The following LILRA2 variants were observed in gnomAD, a reference collection of about 807,000 sequenced individuals.
LILRA2 encodes the protein leukocyte immunoglobulin-like receptor subfamily A member 2.
A neutral mutation model predicts 47.9 loss-of-function variants in LILRA2; 45 were observed. The observed-to-expected ratio is 0.94, with a 90% confidence interval of 0.74 to 1.20. LILRA2 has a LOEUF of 1.20. Ranked by LOEUF, LILRA2 falls within the 50% of genes most tolerant of loss-of-function variation. The pLI is 0.00. For synonymous variants in LILRA2, 279 were observed against 249.2 expected, an observed-to-expected ratio of 1.12 and a Z score of -1.13; for missense variants, 651 against 598.2, an observed-to-expected ratio of 1.09 and a Z score of -0.92.
intron 6 of LILRA2, among the ~76,000 whole-genome samples, chr19:54,578,432 A>G (rs961046026): frequency 1.3e-5 from 2 of 152,118 alleles, no homozygotes; most frequent in Non-Finnish European, 1.5e-5. Flanking sequence ...AGGTTCATCA[A>G]TGTCCCTGCA....
chr19:54,588,688 T>G lies in LILRA2; in HGVS notation c.*1342T>G, dbSNP rs1376636515. 1 of 151,778 alleles carries G rather than the reference T, an allele frequency of 6.6e-6. No homozygotes were observed. Among genetic ancestry groups the G allele is most frequent in the Non-Finnish European group, 1.5e-5 (1 of 67,938 alleles). The allele number at this position is 151,778 out of a possible 1,614,324, so 9.4% of individuals were successfully genotyped here. A position where few individuals can be genotyped will look rare whatever the true frequency, so the allele number is the denominator to read the frequency against. Reference sequence around the variant, plus strand: ...TTCGATGAAAGAATTTTTTTTGAGATGGAGTTTTGCTTTGTTGCCCAGGCT... The same window carrying G: ...TTCGATGAAAGAATTTTTTTTGAGAGGGAGTTTTGCTTTGTTGCCCAGGCT... On this transcript the variant is annotated 3_prime_UTR_variant, in exon 8 of 8. Coordinates refer to ENST00000391738, the MANE Select transcript of LILRA2 (RefSeq NM_001130917.3).
chr19:54,587,272 C>T lies in LILRA2; in HGVS notation c.1378C>T (p.Leu460=), dbSNP rs750589807. 1.2e-6 allele frequency: 2 copies of T among 1,614,110 alleles called. No individual in the cohort carries two copies. The highest frequency in any genetic ancestry group is 1.1e-5 in the South Asian group (1 of 91,074). ...CCGCATGGGTGTGGCTGGCTTGGTCCTGGTGGTCCTCGGGATTCTGCTATT... is the reference window on the plus strand; with the variant it reads ...CCGCATGGGTGTGGCTGGCTTGGTCTTGGTGGTCCTCGGGATTCTGCTATT... The part of the protein sequence containing the change: ...LIRMGVAGLV[L]VVLGILLFEA... Residue 460 remains leucine (L), a synonymous_variant, in exon 8 of 8, where the codon CTG becomes TTG. Transcript: ENST00000391738.
At chr19:54,576,250 A>C in intron 6 of LILRA2, 141 bp downstream of exon 6, 1 of 1,037,010 alleles carries the variant, frequency 9.6e-7, no homozygotes, top group South Asian at 1.6e-5. Context: ...GGAGAGTGGA[A>C]ATAGGCAGGG....
Position 54,587,278 on chromosome 19 carries a change from G to C in LILRA2, c.1384G>C (p.Val462Leu), listed in dbSNP as rs1385853064. 2 of 1,614,128 alleles carry C rather than the reference G, an allele frequency of 1.2e-6. No individual in the cohort carries two copies. Among genetic ancestry groups the C allele is most frequent in the Admixed American group, 3.3e-5 (2 of 60,016 alleles). ...RMGVAGLVLV[V>L]LGILLFEAQH... ...GGGTGTGGCTGGCTTGGTCCTGGTG[G>C]TCCTCGGGATTCTGCTATTTGAGGC... Residue 462 changes from valine to leucine, a missense_variant, in exon 8 of 8, where the codon GTC becomes CTC. Val to Leu is a conservative substitution (Grantham distance 32). Coordinates refer to ENST00000391738, the MANE Select transcript of LILRA2 (RefSeq NM_001130917.3).
intron 6 of LILRA2, among the ~76,000 whole-genome samples, chr19:54,584,559 C>T (rs889922109): frequency 4.6e-5 from 7 of 152,082 alleles, no homozygotes; most frequent in Admixed American, 1.3e-4. Flanking sequence ...TCCACTTGAT[C>T]GAATCAGCTA....
intron 6 of LILRA2, among the ~76,000 whole-genome samples, chr19:54,585,764 C>T (rs776119121): frequency 8.5e-5 from 13 of 152,160 alleles, no homozygotes; most frequent in Non-Finnish European, 1.3e-4. Context: ...GAGGCGACAC[C>T]CCATCCTGCT....
chr19:54,579,063 T>C (rs921026818), intron 6 of LILRA2, among the ~76,000 whole-genome samples: 6 of 152,180 alleles, frequency 3.9e-5, no homozygotes, highest in Admixed American at 2.0e-4. Flanking sequence ...TTCTGTAGGC[T>C]GCCTGTTCAC....
rs780162689 is a variant in LILRA2 at position 54,575,471 on chromosome 19, G to A, written c.871G>A (p.Gly291Ser). ...GGGCCCTGTGAGCCCCTCCCACGGG[G>A]GCCAGTACAGATGCTACAGTGCACA... The part of the protein sequence containing the change: ...TLGPVSPSHG[G>S]QYRCYSAHNL... The change falls in exon 5 of 8, where the codon GGC becomes AGC. Residue 291 changes from glycine (G) to serine (S), a missense_variant. Gly to Ser is a moderately conservative substitution (Grantham distance 56). Transcript: ENST00000391738. 1 of 1,613,566 alleles carries A rather than the reference G, an allele frequency of 6.2e-7. No individual in the cohort carries two copies. Among genetic ancestry groups the A allele is most frequent in the East Asian group, 2.2e-5 (1 of 44,880 alleles).
At position 54,575,527 on chromosome 19, in the gene LILRA2, T is replaced by G; in HGVS notation, c.927T>G (p.Ser309Arg). 6.2e-7 allele frequency: 1 copy of G among 1,610,992 alleles called. No individual in the cohort carries two copies. The highest frequency in any genetic ancestry group is 8.5e-7 in the Non-Finnish European group (1 of 1,179,244). ...HNLSSEWSAP[S>R]DPLDILITGQ... Reference sequence around the variant, plus strand: ...TCTCCTCCGAGTGGTCGGCCCCCAGTGACCCCCTGGACATCCTGATCACAG... The same window carrying G: ...TCTCCTCCGAGTGGTCGGCCCCCAGGGACCCCCTGGACATCCTGATCACAG... The change falls in exon 5 of 8, where the codon AGT (serine) becomes AGG (arginine). Residue 309 changes from serine to arginine, a missense_variant. By Grantham distance (110) the Ser-to-Arg change is moderately radical. Transcript: ENST00000391738.
chr19:54,577,740 C>T (rs902717046), intron 6 of LILRA2: 42 of 1,209,600 alleles, frequency 3.5e-5, no homozygotes, highest in South Asian at 3.3e-4. Context: ...ATTCACAGCA[C>T]GTCTTTCTGT....
At chr19:54,576,879 C>A (rs1274353447) in intron 6 of LILRA2, among the ~76,000 whole-genome samples, 12 of 152,270 alleles carry the variant, frequency 7.9e-5, no homozygotes, top group African/African-American at 2.9e-4. Flanking sequence ...AGAGCCCATT[C>A]CCCTTGCACC....
At chr19:54,576,486 TC>T (rs1185488483) in intron 6 of LILRA2, among the ~76,000 whole-genome samples, 1 of 152,122 alleles carries the variant, frequency 6.6e-6, no homozygotes, top group Non-Finnish European at 1.5e-5. Flanking sequence ...AACCAGCCAC[TC>T]CCAGCTCAAG....
At chr19:54,576,170 C>T in intron 6 of LILRA2, 61 bp downstream of exon 6, 1 of 1,602,712 alleles carries the variant, frequency 6.2e-7, no homozygotes, top group Non-Finnish European at 8.5e-7. Flanking sequence ...CTGCCCCCAG[C>T]AGAGCTCTGG....
At position 54,575,325 on chromosome 19, in the gene LILRA2, T is replaced by A; in HGVS notation, c.725T>A (p.Leu242His). The A allele has an allele frequency of 6.2e-7, 1 of 1,614,026 alleles. No homozygotes were observed. The highest frequency in any genetic ancestry group is 8.5e-7 in the Non-Finnish European group (1 of 1,179,928). The change falls in exon 5 of 8, where the codon CTC becomes CAC. Residue 242 changes from leucine to histidine, a missense_variant. Coordinates refer to ENST00000391738, the MANE Select transcript of LILRA2 (RefSeq NM_001130917.3). ...GTGGCCCCTGGGGAGAGCCTGACCCTCCAGTGTGTCTCTGATGTCGGCTAC... is the reference window on the plus strand; with the variant it reads ...GTGGCCCCTGGGGAGAGCCTGACCCACCAGTGTGTCTCTGATGTCGGCTAC... Reference protein sequence around the residue: ...PMVAPGESLTLQCVSDVGYDR... With the variant: ...PMVAPGESLTHQCVSDVGYDR...
intron 2 of LILRA2, 84 bp from the exon 3 acceptor site, chr19:54,574,217 G>T: frequency 6.2e-7 from 1 of 1,614,102 alleles, no homozygotes; most frequent in Non-Finnish European, 8.5e-7. Flanking sequence ...TGACTGATGG[G>T]GGTGTCTGGA....
chr19:54,576,568 G>C (rs1166610519), intron 6 of LILRA2, among the ~76,000 whole-genome samples: 3 of 148,680 alleles, frequency 2.0e-5, no homozygotes, highest in Non-Finnish European at 4.4e-5. Flanking sequence ...GCAGCGGGGA[G>C]GGTGGACAGT....
At position 54,587,249 on chromosome 19, in the gene LILRA2, G is replaced by T. The variant is rs199988092; in HGVS notation, c.1355G>T (p.Arg452Leu). The T allele has an allele frequency of 6.2e-7, 1 of 1,614,064 alleles. No homozygotes were observed. The highest frequency in any genetic ancestry group is 8.5e-7 in the Non-Finnish European group (1 of 1,180,010). ...GATTACACAGTGGAGAATCTCATCC[G>T]CATGGGTGTGGCTGGCTTGGTCCTG... is the stretch of plus-strand genomic sequence containing the variant. ...PQDYTVENLI[R>L]MGVAGLVLVV... Residue 452 changes from arginine to leucine, a missense_variant, in exon 8 of 8, where the codon CGC (arginine) becomes CTC (leucine). Physicochemically the swap from Arg to Leu is moderately radical, Grantham distance 102. Coordinates refer to ENST00000391738, the MANE Select transcript of LILRA2 (RefSeq NM_001130917.3).
rs201199710 is a variant in LILRA2 at position 54,574,847 on chromosome 19, G to A, written c.469G>A (p.Glu157Lys). Residue 157 changes from glutamate to lysine, a missense_variant, in exon 4 of 8, where the codon GAA (glutamate) becomes AAA (lysine). Glu to Lys is a moderately conservative substitution (Grantham distance 56). Transcript: ENST00000391738. ...ATTTGACGGCTTCATTCTGTGTAAG[G>A]AAGGAGAAGATGAACACCCACAACG... ...VAFDGFILCK[E>K]GEDEHPQRLN... The A allele has an allele frequency of 1.9e-6, 3 of 1,613,514 alleles. No homozygotes were observed. The highest frequency in any genetic ancestry group is 1.3e-5 in the African/African-American group (1 of 75,082).
intron 1 of LILRA2, 51 bp downstream of exon 1, chr19:54,573,963 C>G (rs1330184020): frequency 6.2e-7 from 1 of 1,613,128 alleles, no homozygotes; most frequent in African/African-American, 1.3e-5. Flanking sequence ...GACCTCACCC[C>G]ACAGCCAAAC....
Sources: gnomAD v4.1 joint callset for allele counts (sites outside exome capture counted in the v4.1 genomes callset) on GRCh38, gnomAD v4.1.1 for gene constraint, MANE v1.5 for transcripts, NCBI Gene and HGNC (gene_info 2026-07-23, HGNC 2026-07-21) for gene names.